MYH14: variants seen among roughly 807,000 people sequenced by gnomAD.
The protein encoded by MYH14 is myosin heavy chain 14.
Under a neutral mutation model 255.5 loss-of-function variants are expected in MYH14, and 123 were observed. The ratio of observed to expected loss-of-function variants is 0.48; its 90% CI spans 0.42 to 0.56. The LOEUF is 0.56. MYH14 is among the 20% of genes least tolerant of loss of function. The probability of loss-of-function intolerance (pLI) is 0.00; values close to 1 mark genes in which losing one functional copy is unlikely to be tolerated. For missense variants in MYH14, 2,423 were observed against 2,802.3 expected, an observed-to-expected ratio of 0.86 and a Z score of 3.06; for synonymous variants, 1,095 against 1,161.2, an observed-to-expected ratio of 0.94 and a Z score of 1.16.
chr19:50,223,041 G>C, intron 3 of MYH14, 42 bp from the exon 4 acceptor site: 2 of 1,599,100 alleles, frequency 1.3e-6, no homozygotes, highest in Non-Finnish European at 1.7e-6. Context: ...CCCTGCTAGA[G>C]ACTCTCTCAG....
At chr19:50,277,351 T>G (rs1183693058) in intron 29 of MYH14, among the ~76,000 whole-genome samples, 3 of 152,076 alleles carry the variant, frequency 2.0e-5, no homozygotes, top group Non-Finnish European at 4.4e-5. Context: ...TGGTGGCTCT[T>G]GCCTGTAACT....
rs578217770 is a variant in MYH14 at position 50,288,061 on chromosome 19, G to A, written c.4752+1367G>A. Among the ~76,000 whole-genome samples, 40 of 152,166 alleles carry A rather than the reference G, an allele frequency of 2.6e-4. No individual in the cohort carries two copies. The South Asian group carries it at 7.1e-3, about 27-fold the overall frequency. The stretch of plus-strand genomic sequence containing the variant: ...GCTTCTCGCAGGCTCCCCTCACCCA[G>A]CCAGTGTCCCAGCCTTCCGAATGGT... On this transcript the variant is annotated intron_variant, in intron 34 of 42. Coordinates refer to ENST00000642316, the MANE Select transcript of MYH14 (RefSeq NM_001145809.2).
chr19:50,271,272 G>A (rs1018817003), intron 24 of MYH14, 137 bp from the exon 25 acceptor site: 4 of 842,432 alleles, frequency 4.7e-6, no homozygotes, highest in African/African-American at 3.4e-5. Flanking sequence ...GATCCTTCCC[G>A]GCCTCACCCA....
chr19:50,225,475 G>A (rs984186827), intron 6 of MYH14, 110 bp from the exon 7 acceptor site: 1 of 759,518 alleles, frequency 1.3e-6, no homozygotes, highest in South Asian at 1.6e-5. Context: ...ACACACAAAG[G>A]CCCCTCACAC....
At chr19:50,247,749 G>A (rs1403647063) in intron 12 of MYH14, among the ~76,000 whole-genome samples, 1 of 151,952 alleles carries the variant, frequency 6.6e-6, no homozygotes, top group Non-Finnish European at 1.5e-5. Context: ...GGTGGAGCAG[G>A]CTTGGGGAGT....
Position 50,250,681 on chromosome 19 carries a change from C to T in MYH14, c.1823C>T (p.Ala608Val), listed in dbSNP as rs764094116. The change falls in exon 15 of 43, where the codon GCG (alanine) becomes GTG (valine). Residue 608 changes from alanine to valine, a missense_variant. Physicochemically the swap from Ala to Val is moderately conservative, Grantham distance 64 (BLOSUM62 0). This residue lies in a region of MYH14 where 672 missense variants were observed against 881.8 expected (regional missense o/e 0.76). Transcript: ENST00000642316. The surrounding 1 kb of genome is among the most constrained non-coding windows in gnomAD (Gnocchi z 5.4). ...DQADFSVLHY[A>V]GKVDYKANEW... ...GCCGACTTCAGTGTTCTCCACTACG[C>T]GGGCAAGGTAGGGGCTGGGGCCGGC... The T allele has an allele frequency of 1.1e-5, 17 of 1,611,150 alleles. No homozygotes were observed. The highest frequency in any genetic ancestry group is 5.0e-5 in the Admixed American group (3 of 59,954).
Position 50,278,880 on chromosome 19 carries a change from CGAGAGGCT to C in MYH14, c.4032+595_4032+602del, listed in dbSNP as rs547437754. Among the ~76,000 whole-genome samples, 353 of 150,984 alleles carry C rather than the reference CGAGAGGCT, an allele frequency of 2.3e-3. 4 individuals are homozygous for C. Among genetic ancestry groups the C allele is most frequent in the African/African-American group, 8.3e-3 (342 of 41,042 alleles). ...GCGCATGCCTGTAATCCCAGCTACTCGAGAGGCTGAGGCAGGAGAATCACTTGAACCCG... is the reference window on the plus strand; with the variant it reads ...GCGCATGCCTGTAATCCCAGCTACTCGAGGCAGGAGAATCACTTGAACCCG... On this transcript the variant is annotated intron_variant, in intron 30 of 42. Coordinates refer to ENST00000642316, the MANE Select transcript of MYH14 (RefSeq NM_001145809.2).
At chr19:50,281,963 G>C (rs952022416) in intron 33 of MYH14, 121 bp downstream of exon 33, 38 of 1,067,936 alleles carry the variant, frequency 3.6e-5, no homozygotes, top group Non-Finnish European at 4.9e-5. Context: ...TAGTGGACCA[G>C]GAAGCAAGAC....
chr19:50,309,181 T>C lies in MYH14; in HGVS notation c.5960+4T>C, dbSNP rs1555779636. 1.2e-6 allele frequency: 2 copies of C among 1,613,678 alleles called. No homozygotes were observed. The highest frequency in any genetic ancestry group is 1.7e-6 in the Non-Finnish European group (2 of 1,179,682). ...CCACACTGAGGAACCGGCTTCGGTA[T>C]GGTCATCCCACGTACAGGCCTGACG... On this transcript the variant is annotated splice_donor_region_variant and intron_variant, in intron 42 of 42. Transcript: ENST00000642316.
At position 50,261,517 on chromosome 19, in the gene MYH14, C is replaced by G; in HGVS notation, c.2467C>G (p.Gln823Glu). The change falls in exon 21 of 43, where the codon CAG (glutamine) becomes GAG (glutamate). Residue 823 changes from glutamine to glutamate, a missense_variant. Physicochemically the swap from Gln to Glu is conservative, Grantham distance 29. This residue lies in a region of MYH14 where 1,513 missense variants were observed against 1,674.8 expected (regional missense o/e 0.90). Coordinates refer to ENST00000642316, the MANE Select transcript of MYH14 (RefSeq NM_001145809.2). ...ELDPNLYRVGQSKIFFRAGVL... is the reference protein window; with the variant it reads ...ELDPNLYRVGESKIFFRAGVL... ...GGACCCCAACCTCTACCGCGTGGGA[C>G]AGAGCAAGATCTTCTTCCGGGCTGG... The G allele has an allele frequency of 6.3e-7, 1 of 1,580,158 alleles. No individual in the cohort carries two copies. Among genetic ancestry groups the G allele is most frequent in the Non-Finnish European group, 8.6e-7 (1 of 1,168,252 alleles).
At chr19:50,298,377 AACAC>A (rs1453235091) in intron 39 of MYH14, among the ~76,000 whole-genome samples, 1 of 127,072 alleles carries the variant, frequency 7.9e-6, no homozygotes, top group Middle Eastern at 3.8e-3. Context: ...GACAAAACCC[AACAC>A]ACACACAAAC....
At chr19:50,227,134 G>A (rs2033148126) in intron 8 of MYH14, among the ~76,000 whole-genome samples, 168 bp downstream of exon 8, 1 of 152,044 alleles carries the variant, frequency 6.6e-6, no homozygotes, top group Non-Finnish European at 1.5e-5. Context: ...CTTCTGGTGT[G>A]TATGAGGCCA....
At chr19:50,229,571 C>T (rs566901632) in intron 8 of MYH14, among the ~76,000 whole-genome samples, 3 of 152,122 alleles carry the variant, frequency 2.0e-5, no homozygotes, top group South Asian at 4.1e-4. Flanking sequence ...GCTGGGGAGG[C>T]GGAGGTTACA....
At chr19:50,251,527 C>T (rs1288118034) in intron 15 of MYH14, among the ~76,000 whole-genome samples, 237 of 22,218 alleles carry the variant, frequency 0.011, no homozygotes, top group African/African-American at 0.028. Context: ...ACACTACACA[C>T]ACACACACAC....
chr19:50,217,843 G>T, intron 3 of MYH14, 72 bp downstream of exon 3: 1 of 1,559,458 alleles, frequency 6.4e-7, no homozygotes, highest in Non-Finnish European at 8.7e-7. Context: ...GCTGCCGGAA[G>T]CCAGAGTCCA....
chr19:50,204,961 C>T (rs1039959647), intron 1 of MYH14, among the ~76,000 whole-genome samples: 7 of 151,730 alleles, frequency 4.6e-5, no homozygotes, highest in Admixed American at 1.3e-4. Context: ...AGAAAATACC[C>T]GACACATAGT....
At position 50,276,080 on chromosome 19, in the gene MYH14, A is replaced by G. The variant is rs745994904; in HGVS notation, c.3557A>G (p.Glu1186Gly). Reference protein sequence around the residue: ...AALAEAQEDLESERVARTKAE... With the variant: ...AALAEAQEDLGSERVARTKAE... ...CTGGCCGAGGCCCAGGAGGACCTGG[A>G]GTCTGAGCGTGTGGCCAGGACCAAG... The change falls in exon 28 of 43, where the codon GAG (glutamate) becomes GGG (glycine). Residue 1186 changes from glutamate to glycine, a missense_variant. Coordinates refer to ENST00000642316, the MANE Select transcript of MYH14 (RefSeq NM_001145809.2). This position sits in a 1 kb window ranked among gnomAD's most constrained non-coding sequence, Gnocchi z 4.3. The G allele has an allele frequency of 3.7e-6, 6 of 1,611,056 alleles. No homozygotes were observed. The African/African-American group carries it at 5.3e-5, about 14-fold the overall frequency.
rs528701540 is a variant in MYH14, at chr19:50,276,959, G to A, written c.3825+58G>A. 161 of 1,394,166 alleles carry A rather than the reference G, an allele frequency of 1.2e-4. No homozygotes were observed. In the African/African-American group the frequency reaches 1.4e-3, roughly 13 times the overall value. 86.4% of individuals were successfully genotyped at this position (1,394,166 alleles called of 1,614,324 possible). A position where few individuals can be genotyped will look rare whatever the true frequency, so the allele number is the denominator to read the frequency against. ...CCACGGGGAGGGCAGGGCAGGACGC[G>A]GGGTTGGAGGAGGTACCGCTGGCTG... On this transcript the variant is annotated intron_variant, in intron 29 of 42. Transcript: ENST00000642316. The surrounding 1 kb of genome is among the most constrained non-coding windows in gnomAD (Gnocchi z 4.3).
rs1382571864 is a variant in MYH14 at position 50,280,435 on chromosome 19, C to T, written c.4290+52C>T. ...GGGAGGCACAGCCCCCCTCACTGCT[C>T]CTCCTGGGTTCCCCAGCTCAGGGAT... On this transcript the variant is annotated intron_variant, in intron 32 of 42. Coordinates refer to ENST00000642316, the MANE Select transcript of MYH14 (RefSeq NM_001145809.2). The surrounding 1 kb of genome is among the most constrained non-coding windows in gnomAD (Gnocchi z 4.8). 1.1e-5 allele frequency: 16 copies of T among 1,468,966 alleles called. No homozygotes were observed. In the East Asian group the frequency reaches 1.2e-4, roughly 11 times the overall value. The allele number at this position is 1,468,966 out of a possible 1,614,324, so 91.0% of individuals were successfully genotyped here.
Sources: gnomAD v4.1 joint callset for allele counts (sites outside exome capture counted in the v4.1 genomes callset) on GRCh38, gnomAD v4.1.1 for gene constraint, gnomAD v4.1.1 regional missense constraint, Gnocchi (gnomAD v3.1) non-coding constraint, MANE v1.5 for transcripts, NCBI Gene and HGNC (gene_info 2026-07-23, HGNC 2026-07-21) for gene names.